The following ZCCHC7 variants were observed in gnomAD, a reference collection of about 807,000 sequenced individuals.
ZCCHC7 encodes the protein zinc finger CCHC-type containing 7.
ZCCHC7 carries 35 observed loss-of-function variants against 52.0 expected under a neutral mutation model. The observed-to-expected ratio is 0.67, with a 90% CI of 0.51 to 0.89. ZCCHC7 has a LOEUF of 0.89. Among genes scored for constraint, ZCCHC7 ranks in the 40% least tolerant of loss-of-function variants. The pLI is 0.00. For missense variants in ZCCHC7, 574 were observed against 649.1 expected, an observed-to-expected ratio of 0.88 and a Z score of 1.26; for synonymous variants, 217 against 221.5, an observed-to-expected ratio of 0.98 and a Z score of 0.18.
At chr9:37,166,435 C>T (rs1338815635) in intron 2 of ZCCHC7, among the ~76,000 whole-genome samples, 1 of 151,932 alleles carries the variant, frequency 6.6e-6, no homozygotes, top group African/African-American at 2.4e-5. Flanking sequence ...TCTAGTGATA[C>T]CACTTTTCTC....
rs144668691 is a variant in ZCCHC7, at chr9:37,312,967, G to A, written c.951+7253G>A. ...AAGTAACTTAGATGTGTAAAATCAC[G>A]ATGTGAGGAAGGAATGAAGGGGAAA... On this transcript the variant is annotated intron_variant, in intron 5 of 8. Transcript: ENST00000336755. Among the ~76,000 whole-genome samples, 385 of 152,258 alleles carry A rather than the reference G, an allele frequency of 2.5e-3. 6 individuals carry two copies. The highest frequency in any genetic ancestry group is 6.4e-3 in the African/African-American group (264 of 41,562).
chr9:37,217,290 A>G (rs1171591921), intron 2 of ZCCHC7, among the ~76,000 whole-genome samples: 2 of 152,174 alleles, frequency 1.3e-5, no homozygotes, highest in Admixed American at 6.5e-5. Flanking sequence ...AATTATTTGT[A>G]TCTTCTAAAT....
intron 2 of ZCCHC7, among the ~76,000 whole-genome samples, chr9:37,269,632 A>AC (rs1174726104): frequency 1.3e-5 from 2 of 149,680 alleles, no homozygotes; most frequent in African/African-American, 2.4e-5. Flanking sequence ...AAAAAAAAAA[A>AC]AAAAAAAAAA....
In ZCCHC7 at chr9:37,126,584, G is replaced by C; in HGVS notation, c.252G>C (p.Gln84His). The C allele has an allele frequency of 6.2e-7, 1 of 1,614,174 alleles. No individual in the cohort carries two copies. The stretch of plus-strand genomic sequence containing the variant: ...TCCTTTCAGATAGTGAGGTCATCCA[G>C]CTGTCAGATGGGTCAGAGGTCATCA... ...LIVLSDSEVI[Q>H]LSDGSEVITL... Residue 84 changes from glutamine to histidine, a missense_variant, in exon 2 of 9, where the codon CAG becomes CAC. Around this residue, in one of 3 missense-constraint regions of ZCCHC7, gnomAD observed 403 missense variants for 461.2 expected, o/e 0.87. Transcript: ENST00000336755.
Position 37,130,334 on chromosome 9 carries a change from C to CTTT in ZCCHC7, c.610+3420_610+3422dup, listed in dbSNP as rs34589957. Among the ~76,000 whole-genome samples the CTTT allele has an allele frequency of 9.5e-3, 598 of 63,140 alleles. 158 individuals carry two copies. Among genetic ancestry groups the CTTT allele is most frequent in the South Asian group, 0.014 (19 of 1,344 alleles). 41.4% of individuals were successfully genotyped at this position (63,140 alleles called of 152,430 possible). A position where few individuals can be genotyped will look rare whatever the true frequency, so the allele number is the denominator to read the frequency against. The stretch of plus-strand genomic sequence containing the variant: ...GCTAAGTAATTTACGGAATTCTCTC[C>CTTT]TTTTTTTTTTTTTTTTTTTTTTTTT... On this transcript the variant is annotated intron_variant, in intron 2 of 8. Coordinates refer to ENST00000336755, the MANE Select transcript of ZCCHC7 (RefSeq NM_032226.3).
chr9:37,193,214 TA>T (rs200190337), intron 2 of ZCCHC7, among the ~76,000 whole-genome samples: 1 of 152,042 alleles, frequency 6.6e-6, no homozygotes, highest in African/African-American at 2.4e-5. Context: ...TGCTGAAATT[TA>T]AAAAAAATCA....
chr9:37,227,801 T>C (rs1014674226), intron 2 of ZCCHC7, among the ~76,000 whole-genome samples: 1 of 152,162 alleles, frequency 6.6e-6, no homozygotes, highest in African/African-American at 2.4e-5. Context: ...TCTTTCTTTT[T>C]CTCTTTTCTT....
intron 5 of ZCCHC7, among the ~76,000 whole-genome samples, chr9:37,306,617 C>T (rs1333557925): frequency 6.6e-6 from 1 of 150,840 alleles, no homozygotes; most frequent in Non-Finnish European, 1.5e-5. Context: ...AGGCACGTGC[C>T]ACCACACCTG....
At chr9:37,170,762 A>G (rs1821685104) in intron 2 of ZCCHC7, among the ~76,000 whole-genome samples, 1 of 152,166 alleles carries the variant, frequency 6.6e-6, no homozygotes, top group African/African-American at 2.4e-5. Flanking sequence ...TCTAATCCAC[A>G]AATACTTGGA....
chr9:37,244,581 G>T (rs1826005372), intron 2 of ZCCHC7, among the ~76,000 whole-genome samples: 1 of 151,898 alleles, frequency 6.6e-6, no homozygotes, highest in Non-Finnish European at 1.5e-5. Context: ...TGTATTAAGA[G>T]AGGGTGAATA....
chr9:37,315,128 A>G (rs958224807), intron 5 of ZCCHC7, among the ~76,000 whole-genome samples: 2 of 152,100 alleles, frequency 1.3e-5, no homozygotes, highest in Admixed American at 6.6e-5. Context: ...TAAAAAAAAA[A>G]AAAGAAAATG....
chr9:37,216,542 C>T (rs917987118), intron 2 of ZCCHC7, among the ~76,000 whole-genome samples: 1 of 152,100 alleles, frequency 6.6e-6, no homozygotes. Flanking sequence ...GGCATGGTGG[C>T]ACACACCTGT....
At chr9:37,140,062 A>G (rs986401162) in intron 2 of ZCCHC7, among the ~76,000 whole-genome samples, 2 of 151,966 alleles carry the variant, frequency 1.3e-5, no homozygotes, top group Admixed American at 1.3e-4. Flanking sequence ...TATGACATAC[A>G]TATACATTTA....
At chr9:37,248,483 C>T (rs1488191905) in intron 2 of ZCCHC7, among the ~76,000 whole-genome samples, 1 of 152,156 alleles carries the variant, frequency 6.6e-6, no homozygotes, top group East Asian at 1.9e-4. Flanking sequence ...CTCTTTTAGA[C>T]TCTACAACTT....
chr9:37,315,063 A>T (rs1016125272), intron 5 of ZCCHC7, among the ~76,000 whole-genome samples: 8 of 152,020 alleles, frequency 5.3e-5, no homozygotes, highest in African/African-American at 1.9e-4. Flanking sequence ...TCTAAAAGGT[A>T]CACACAGTTC....
chr9:37,127,969 T>C (rs1223353176), intron 2 of ZCCHC7, among the ~76,000 whole-genome samples: 1 of 152,194 alleles, frequency 6.6e-6, no homozygotes, highest in Non-Finnish European at 1.5e-5. Context: ...AAAGCCCTAC[T>C]TACAAAAACA....
chr9:37,226,121 TCAA>T (rs1317218414), intron 2 of ZCCHC7, among the ~76,000 whole-genome samples: 2 of 152,220 alleles, frequency 1.3e-5, no homozygotes, highest in African/African-American at 2.4e-5. Flanking sequence ...AGGTCAGTAT[TCAA>T]CAACTAATTA....
intron 6 of ZCCHC7, among the ~76,000 whole-genome samples, chr9:37,332,704 A>G (rs1303765287): frequency 1.3e-5 from 2 of 151,520 alleles, no homozygotes; most frequent in African/African-American, 2.4e-5. Flanking sequence ...TTCAAAGCAA[A>G]TGAAACCTGG....
Position 37,296,945 on chromosome 9 carries a change from CT to C in ZCCHC7, c.611-5242del, listed in dbSNP as rs545003894. Among the ~76,000 whole-genome samples, 116 of 142,614 alleles carry C rather than the reference CT, an allele frequency of 8.1e-4. 1 individual carries two copies. Among genetic ancestry groups the C allele is most frequent in the African/African-American group, 2.8e-3 (111 of 39,300 alleles). 93.6% of individuals were successfully genotyped at this position (142,614 alleles called of 152,430 possible). On this transcript the variant is annotated intron_variant, in intron 2 of 8. Coordinates refer to ENST00000336755, the MANE Select transcript of ZCCHC7 (RefSeq NM_032226.3). ...TGTGTGTGTTTCGTAGAGATGAGGT[CT>C]CACTATGTTACCTAAGCTAGGCTCA...
Sources: allele counts gnomAD v4.1 joint callset (sites outside exome capture counted in the v4.1 genomes callset), GRCh38; gene constraint gnomAD v4.1.1; regional missense constraint gnomAD v4.1.1; transcripts MANE v1.5; gene names NCBI Gene and HGNC (gene_info 2026-07-23, HGNC 2026-07-21).